Variants in MYO1E observed in about 807,000 individuals in gnomAD.
MYO1E encodes the protein myosin IE.
A neutral mutation model predicts 151.1 loss-of-function variants in MYO1E; 68 were observed. That is an observed-to-expected ratio of 0.45 (90% confidence interval 0.37 to 0.55). MYO1E has a LOEUF of 0.55. MYO1E is among the 20% of genes least tolerant of loss of function. MYO1E has a pLI of 0.00. For missense variants in MYO1E, 1,363 were observed against 1,389.3 expected (o/e 0.98, Z 0.30); for synonymous variants, 601 against 501.7 (o/e 1.20, Z -2.64).
intron 2 of MYO1E, among the ~76,000 whole-genome samples, chr15:59,268,720 A>ATTTTTGTTTTTTTTTTTTTTTTTTTTTT (rs2080271424): frequency 6.7e-5 from 3 of 44,904 alleles, no homozygotes; most frequent in African/African-American, 5.8e-5. Flanking sequence ...TGACTTTGGT[A>ATTTTTGTTTTTTTTTTTTTTTTTTTTTT]TTTTTTTTTT....
rs1202893772 is a variant in MYO1E at position 59,350,421 on chromosome 15, T to C, written c.3+22077A>G. Among the ~76,000 whole-genome samples, 1 of 152,184 alleles carries C rather than the reference T, an allele frequency of 6.6e-6. No homozygotes were observed. The highest frequency in any genetic ancestry group is 6.5e-5 in the Admixed American group (1 of 15,286). On this transcript the variant is annotated intron_variant, in intron 1 of 27. Coordinates refer to ENST00000288235, the MANE Select transcript of MYO1E (RefSeq NM_004998.4). This position sits in a 1 kb window ranked among gnomAD's most constrained non-coding sequence, Gnocchi z 5.0. ...ACTGAGCAGGAGAAGGAAAAGAATGTAGATGAAATTGAAAAGGATAAAGGG... is the reference window on the plus strand; with the variant it reads ...ACTGAGCAGGAGAAGGAAAAGAATGCAGATGAAATTGAAAAGGATAAAGGG...
At chr15:59,337,769 T>C (rs1442074482) in intron 1 of MYO1E, among the ~76,000 whole-genome samples, 1 of 151,678 alleles carries the variant, frequency 6.6e-6, no homozygotes, top group African/African-American at 2.4e-5. Context: ...GAGGTGGAGG[T>C]TGCAGTGAGC....
At chr15:59,174,832 C>T (rs934311697) in intron 19 of MYO1E, among the ~76,000 whole-genome samples, 9 of 152,014 alleles carry the variant, frequency 5.9e-5, no homozygotes, top group Admixed American at 1.3e-4. Flanking sequence ...TGGAGCTGGA[C>T]GTGAGGTGTG....
intron 2 of MYO1E, among the ~76,000 whole-genome samples, chr15:59,271,399 T>A (rs182624550): frequency 6.6e-5 from 10 of 152,224 alleles, no homozygotes; most frequent in Non-Finnish European, 1.5e-4. Context: ...GAAGGCACTA[T>A]TGGCATCAAA....
rs769274270 is a variant in MYO1E at position 59,316,033 on chromosome 15, G to A, written c.4-43584C>T. On this transcript the variant is annotated intron_variant, in intron 1 of 27. Coordinates refer to ENST00000288235, the MANE Select transcript of MYO1E (RefSeq NM_004998.4). ...AACAAGTACCAGAGTGGTTTGGCTC[G>A]TGGTGATTCTGAGAAGGAGCCTGAG... Among the ~76,000 whole-genome samples the A allele has an allele frequency of 6.6e-5, 10 of 152,172 alleles. No homozygotes were observed. The East Asian group carries it at 1.2e-3, about 18-fold the overall frequency.
chr15:59,358,484 G>A (rs937960032), intron 1 of MYO1E, among the ~76,000 whole-genome samples: 2 of 152,132 alleles, frequency 1.3e-5, no homozygotes, highest in African/African-American at 4.8e-5. Flanking sequence ...GTGTGAGGGT[G>A]TGTGAGAGAA....
chr15:59,285,794 T>G (rs534509977), intron 1 of MYO1E, among the ~76,000 whole-genome samples: 1 of 152,366 alleles, frequency 6.6e-6, no homozygotes, highest in East Asian at 1.9e-4. Context: ...AGTGTGTGCA[T>G]GTCCATTAAG....
intron 14 of MYO1E, chr15:59,207,883 A>T (rs1288248223): frequency 6.2e-7 from 1 of 1,614,174 alleles, no homozygotes; most frequent in South Asian, 1.1e-5. Flanking sequence ...TATTTTGAAG[A>T]ATCTTAGGAG....
intron 1 of MYO1E, among the ~76,000 whole-genome samples, chr15:59,366,401 A>C (rs2080913843): frequency 1.4e-5 from 2 of 146,638 alleles, no homozygotes; most frequent in African/African-American, 2.5e-5. Flanking sequence ...AAATCCTCCC[A>C]CCTCAGCCTC....
intron 1 of MYO1E, among the ~76,000 whole-genome samples, chr15:59,285,561 C>G (rs1433032659): frequency 6.6e-6 from 1 of 151,850 alleles, no homozygotes; most frequent in Non-Finnish European, 1.5e-5. Context: ...TAGAGAACTC[C>G]TGATCTTGAA....
chr15:59,191,589 G>C (rs1461333713), intron 17 of MYO1E, among the ~76,000 whole-genome samples: 1 of 152,018 alleles, frequency 6.6e-6, no homozygotes, highest in Non-Finnish European at 1.5e-5. Flanking sequence ...ATTAATTCAA[G>C]CAGAAACGTT....
chr15:59,161,095 T>C lies in MYO1E; in HGVS notation c.2763A>G (p.Gly921=). 1 of 1,613,562 alleles carries C rather than the reference T, an allele frequency of 6.2e-7. No homozygotes were observed. The highest frequency in any genetic ancestry group is 8.5e-7 in the Non-Finnish European group (1 of 1,180,006). Residue 921 remains glycine (G), a synonymous_variant, in exon 24 of 28, where the codon GGA becomes GGG. Transcript: ENST00000288235. ...PSNKVLQVSI[G]PGLPKNSRPT... ...TACGGGAGTTCTTGGGCAGTCCAGGTCCGATGCTGACCTGCAGCACTTTGT... is the reference window on the plus strand; with the variant it reads ...TACGGGAGTTCTTGGGCAGTCCAGGCCCGATGCTGACCTGCAGCACTTTGT...
At chr15:59,206,679 A>C in intron 14 of MYO1E, 2 of 486,432 alleles carry the variant, frequency 4.1e-6, no homozygotes, top group Non-Finnish European at 3.6e-6. Flanking sequence ...CATGTCAACT[A>C]TTGATAATAC....
At chr15:59,255,747 C>T (rs1250193247) in intron 4 of MYO1E, among the ~76,000 whole-genome samples, 4 of 152,128 alleles carry the variant, frequency 2.6e-5, no homozygotes, top group Non-Finnish European at 4.4e-5. Context: ...AGAAAGTTTA[C>T]GAATTTGCTT....
intron 26 of MYO1E, among the ~76,000 whole-genome samples, chr15:59,146,671 G>A (rs564782775): frequency 6.7e-6 from 1 of 150,342 alleles, no homozygotes; most frequent in African/African-American, 2.4e-5. Context: ...TTTTTCTTTT[G>A]ACATTTCAAT....
Position 59,214,731 on chromosome 15 carries a change from T to C in MYO1E, c.1108-11A>G, listed in dbSNP as rs759375426. The C allele has an allele frequency of 1.2e-6, 2 of 1,604,322 alleles. No homozygotes were observed. The highest frequency in any genetic ancestry group is 2.2e-5 in the South Asian group (2 of 90,878). On this transcript the variant is annotated splice_polypyrimidine_tract_variant and intron_variant, in intron 10 of 27. Transcript: ENST00000288235. Reference sequence around the variant, plus strand: ...GGCTTTATTGATGGACTAGAGAAAGTAAACAGCATGGCAGTGAACTCCTTT... The same window carrying C: ...GGCTTTATTGATGGACTAGAGAAAGCAAACAGCATGGCAGTGAACTCCTTT...
At chr15:59,172,092 C>T (rs763479450) in intron 21 of MYO1E, 50 bp from the exon 22 acceptor site, 2 of 1,598,976 alleles carry the variant, frequency 1.3e-6, no homozygotes, top group Non-Finnish European at 1.7e-6. Flanking sequence ...CATGGTGGCT[C>T]ACACCTGTAA....
intron 1 of MYO1E, among the ~76,000 whole-genome samples, chr15:59,342,850 A>G (rs2080773532): frequency 6.6e-6 from 1 of 152,322 alleles, no homozygotes; most frequent in Non-Finnish European, 1.5e-5. Context: ...TTTTAAACTG[A>G]TCACAACTTA....
intron 1 of MYO1E, among the ~76,000 whole-genome samples, chr15:59,296,839 CTTTT>C (rs10717328): frequency 1.6e-5 from 2 of 125,526 alleles, no homozygotes; most frequent in African/African-American, 3.0e-5. Flanking sequence ...ATACTTTTTT[CTTTT>C]TTTTTTTTTT....
Sources: allele counts gnomAD v4.1 joint callset (sites outside exome capture counted in the v4.1 genomes callset), GRCh38; gene constraint gnomAD v4.1.1; non-coding constraint Gnocchi (gnomAD v3.1); transcripts MANE v1.5; gene names NCBI Gene and HGNC (gene_info 2026-07-23, HGNC 2026-07-21).